The following TRPM8 variants were observed in gnomAD, a reference collection of about 807,000 sequenced individuals.
TRPM8 encodes the protein TRPM8 cationic channel.
Under a neutral mutation model 133.7 loss-of-function variants are expected in TRPM8, and 110 were observed. The observed-to-expected ratio is 0.82, with a 90% CI of 0.70 to 0.96. The LOEUF is 0.96. Among genes scored for constraint, TRPM8 ranks in the 40% least tolerant of loss-of-function variants. The pLI, the probability that TRPM8 is intolerant of heterozygous loss-of-function variation, is 0.00. For synonymous variants in TRPM8, 535 were observed against 532.3 expected, an observed-to-expected ratio of 1.01 and a Z score of -0.07; for missense variants, 1,291 against 1,379.5, an observed-to-expected ratio of 0.94 and a Z score of 1.02.
At chr2:233,970,728 GC>G (rs1413863127) in intron 17 of TRPM8, among the ~76,000 whole-genome samples, 4 of 152,206 alleles carry the variant, frequency 2.6e-5, no homozygotes, top group African/African-American at 9.6e-5. Flanking sequence ...TAAACCCACT[GC>G]TGTCATCAGG....
At chr2:233,942,913 T>TG (rs1690946034) in intron 6 of TRPM8, 165 bp downstream of exon 6, 1 of 704,352 alleles carries the variant, frequency 1.4e-6, no homozygotes. Flanking sequence ...AAAACAAGGA[T>TG]GACGTACCTA....
At chr2:234,005,584 T>G (rs1220285775) in intron 22 of TRPM8, among the ~76,000 whole-genome samples, 1 of 152,162 alleles carries the variant, frequency 6.6e-6, no homozygotes, top group Non-Finnish European at 1.5e-5. Flanking sequence ...ATAACCACAC[T>G]TAAAAATAAA....
intron 9 of TRPM8, among the ~76,000 whole-genome samples, chr2:233,951,035 T>TACAAACAAACAA (rs67334712): frequency 2.7e-5 from 4 of 150,596 alleles, no homozygotes; most frequent in African/African-American, 9.8e-5. Flanking sequence ...ACCCCGTCCC[T>TACAAACAAACAA]ACAAACAAAC....
intron 7 of TRPM8, 193 bp downstream of exon 7, chr2:233,946,223 A>C: frequency 1.8e-6 from 1 of 547,116 alleles, no homozygotes; most frequent in Non-Finnish European, 3.2e-6. Flanking sequence ...TCAATGTGGT[A>C]TGTACCCTTT....
rs777438777 is a variant in TRPM8 at position 233,926,582 on chromosome 2, T to A, written c.45T>A (p.Asn15Lys). 1 of 1,614,086 alleles carries A rather than the reference T, an allele frequency of 6.2e-7. No individual in the cohort carries two copies. The highest frequency in any genetic ancestry group is 2.2e-5 in the East Asian group (1 of 44,872). Reference sequence around the variant, plus strand: ...GGCTCAGCATGAGGAACAGAAGGAATGACACTCTGGACAGCACCCGGACCC... The same window carrying A: ...GGCTCAGCATGAGGAACAGAAGGAAAGACACTCTGGACAGCACCCGGACCC... ...AARLSMRNRR[N>K]DTLDSTRTLY... Residue 15 changes from asparagine (N) to lysine (K), a missense_variant, in exon 2 of 26, where the codon AAT becomes AAA. Physicochemically the swap from Asn to Lys is moderately conservative, Grantham distance 94 (BLOSUM62 0). Around this residue, in one of 2 missense-constraint regions of TRPM8, gnomAD observed 963 missense variants for 968.9 expected, o/e 0.99. Coordinates refer to ENST00000324695, the MANE Select transcript of TRPM8 (RefSeq NM_024080.5).
chr2:233,960,064 A>C (rs1300434363), intron 11 of TRPM8, among the ~76,000 whole-genome samples: 1 of 151,842 alleles, frequency 6.6e-6, no homozygotes, highest in Non-Finnish European at 1.5e-5. Flanking sequence ...GATCTTTCTT[A>C]AGATTATCCG....
intron 14 of TRPM8, 53 bp downstream of exon 14, chr2:233,964,810 A>G: frequency 6.5e-7 from 1 of 1,532,106 alleles, no homozygotes; most frequent in Non-Finnish European, 8.9e-7. Context: ...CATGTGGCAC[A>G]GACATTGCCA....
intron 1 of TRPM8, among the ~76,000 whole-genome samples, chr2:233,924,403 C>A (rs528070076): frequency 6.6e-6 from 1 of 152,348 alleles, no homozygotes; most frequent in African/African-American, 2.4e-5. Context: ...AGGGACCCAG[C>A]TGCTCTCTTC....
intron 3 of TRPM8, among the ~76,000 whole-genome samples, chr2:233,931,737 A>C (rs1426770773): frequency 6.6e-6 from 1 of 152,234 alleles, no homozygotes; most frequent in African/African-American, 2.4e-5. Context: ...ACACCAGAAA[A>C]ACTAAGAGAT....
intron 17 of TRPM8, among the ~76,000 whole-genome samples, chr2:233,977,038 T>C (rs1220923186): frequency 3.3e-5 from 5 of 152,270 alleles, no homozygotes; most frequent in South Asian, 2.1e-4. Flanking sequence ...CTGATTTAGA[T>C]TGTGTCTGAT....
In TRPM8 at chr2:233,945,898, G is replaced by A; in HGVS notation, c.742G>A (p.Asp248Asn). 6.2e-7 allele frequency: 1 copy of A among 1,614,148 alleles called. No homozygotes were observed. Among genetic ancestry groups the A allele is most frequent in the Non-Finnish European group, 8.5e-7 (1 of 1,179,988 alleles). ...AQYLMDDFTR[D>N]PLYILDNNHT... is the part of the protein sequence containing the mutation. ...GTACCTTATGGATGACTTCACAAGA[G>A]ATCCACTGTATATCCTGGACAACAA... is the stretch of plus-strand genomic sequence containing the variant. Residue 248 changes from aspartate to asparagine, a missense_variant, in exon 7 of 26, where the codon GAT becomes AAT. Physicochemically the swap from Asp to Asn is conservative, Grantham distance 23 (BLOSUM62 1). Around this residue, in one of 2 missense-constraint regions of TRPM8, gnomAD observed 963 missense variants for 968.9 expected, o/e 0.99. Coordinates refer to ENST00000324695, the MANE Select transcript of TRPM8 (RefSeq NM_024080.5).
At chr2:233,983,424 C>T (rs1367456594) in intron 20 of TRPM8, 200 bp downstream of exon 20, 2 of 601,410 alleles carry the variant, frequency 3.3e-6, no homozygotes, top group Non-Finnish European at 6.1e-6. Context: ...AGATGGTGCC[C>T]AACATTTCAA....
chr2:233,951,502 G>C (rs1691172243), intron 9 of TRPM8, among the ~76,000 whole-genome samples: 1 of 152,094 alleles, frequency 6.6e-6, no homozygotes, highest in Admixed American at 6.6e-5. Context: ...GCCAGGTCTT[G>C]ACCAGGCCAT....
intron 9 of TRPM8, among the ~76,000 whole-genome samples, chr2:233,953,129 C>T (rs1691209932): frequency 6.6e-6 from 1 of 152,258 alleles, no homozygotes; most frequent in African/African-American, 2.4e-5. Flanking sequence ...CCACCTTTCC[C>T]AGGCAGCTGC....
At chr2:234,011,470 G>A (rs943504199) in intron 24 of TRPM8, among the ~76,000 whole-genome samples, 3 of 151,718 alleles carry the variant, frequency 2.0e-5, no homozygotes, top group African/African-American at 4.8e-5. Context: ...TATAATTTTA[G>A]GATTGTTTTC....
chr2:233,980,386 A>G, intron 18 of TRPM8, 107 bp downstream of exon 18: 1 of 693,270 alleles, frequency 1.4e-6, no homozygotes, highest in East Asian at 2.9e-5. Flanking sequence ...CTCATTAGAG[A>G]TTATTACACA....
At chr2:233,930,193 T>C (rs984078314) in intron 2 of TRPM8, among the ~76,000 whole-genome samples, 1 of 152,222 alleles carries the variant, frequency 6.6e-6, no homozygotes. Flanking sequence ...ATAAAGGCTT[T>C]TGGTTTTTTG....
chr2:233,955,287 G>C, intron 11 of TRPM8, 37 bp downstream of exon 11: 1 of 1,504,622 alleles, frequency 6.6e-7, no homozygotes, highest in Non-Finnish European at 9.2e-7. Flanking sequence ...TCCAGTGTTG[G>C]GTCTGGACAG....
At chr2:234,012,873 T>C (rs1043823548) in intron 24 of TRPM8, among the ~76,000 whole-genome samples, 1 of 152,140 alleles carries the variant, frequency 6.6e-6, no homozygotes, top group African/African-American at 2.4e-5. Context: ...TCTATTGAGA[T>C]GATCATGTGG....
Sources: gnomAD v4.1 joint callset for allele counts (sites outside exome capture counted in the v4.1 genomes callset) on GRCh38, gnomAD v4.1.1 for gene constraint, gnomAD v4.1.1 regional missense constraint, MANE v1.5 for transcripts, NCBI Gene and HGNC (gene_info 2026-07-23, HGNC 2026-07-21) for gene names.